NFIB: variants seen among roughly 807,000 people sequenced by gnomAD.
The protein encoded by NFIB is nuclear factor I B, also known as nuclear factor 1 B-type.
In NFIB, 11 loss-of-function variants were observed where a neutral mutation model predicts 61.5. That is an observed-to-expected ratio of 0.18 (90% CI 0.11 to 0.30). NFIB has a LOEUF of 0.30. NFIB is among the 10% of genes least tolerant of loss of function. NFIB has a pLI of 1.00. For synonymous variants in NFIB, 260 were observed against 216.5 expected (o/e 1.20, Z -1.76); for missense variants, 471 against 608.9 (o/e 0.77, Z 2.38).
At position 14,159,546 on chromosome 9, in the gene NFIB, G is replaced by A. The variant is rs565969056; in HGVS notation, c.617-3653C>T. On this transcript the variant is annotated intron_variant, in intron 3 of 10. Coordinates refer to ENST00000380953, the MANE Select transcript of NFIB (RefSeq NM_001190737.2). Reference sequence around the variant, plus strand: ...AGTGGGGTAGCCTGGGAGAAGCACCGGAAGCAGATGGCTGCCACCTTCATG... The same window carrying A: ...AGTGGGGTAGCCTGGGAGAAGCACCAGAAGCAGATGGCTGCCACCTTCATG... Among the ~76,000 whole-genome samples, 9 of 152,294 alleles carry A rather than the reference G, an allele frequency of 5.9e-5. No homozygotes were observed. In the East Asian group the frequency reaches 9.7e-4, roughly 16 times the overall value.
chr9:14,271,384 G>C (rs1045901173), intron 2 of NFIB, among the ~76,000 whole-genome samples: 7 of 152,010 alleles, frequency 4.6e-5, no homozygotes, highest in Non-Finnish European at 1.0e-4. Context: ...CTCCTTAGTT[G>C]AAAGAGTACT....
chr9:14,393,451 C>A (rs1008628783), intron 1 of NFIB, among the ~76,000 whole-genome samples: 6 of 152,148 alleles, frequency 3.9e-5, no homozygotes, highest in East Asian at 1.9e-4. Flanking sequence ...GCTTTGAGTA[C>A]TGGAAGCACA....
intron 10 of NFIB, chr9:14,093,599 T>C (rs2034302824): frequency 6.6e-6 from 1 of 152,088 alleles, no homozygotes; most frequent in South Asian, 2.1e-4. Flanking sequence ...CATTTCCTGA[T>C]CTCCCCAAGA....
At chr9:14,165,402 A>T (rs1354631757) in intron 3 of NFIB, among the ~76,000 whole-genome samples, 1 of 152,222 alleles carries the variant, frequency 6.6e-6, no homozygotes, top group Non-Finnish European at 1.5e-5. Context: ...CCTAAATAAA[A>T]TATGAAATTG....
Position 14,295,975 on chromosome 9 carries a change from T to C in NFIB, c.562+11014A>G, listed in dbSNP as rs187399792. Reference sequence around the variant, plus strand: ...TCTAAAACCATACAATCATTCTAATTTAAATGGGTTTTAAAACTACACACA... The same window carrying C: ...TCTAAAACCATACAATCATTCTAATCTAAATGGGTTTTAAAACTACACACA... On this transcript the variant is annotated intron_variant, in intron 2 of 10. Transcript: ENST00000380953. Among the ~76,000 whole-genome samples the C allele has an allele frequency of 9.2e-5, 14 of 152,310 alleles. No homozygotes were observed. In the East Asian group the frequency reaches 2.5e-3, roughly 27 times the overall value.
chr9:14,424,305 C>T, the NFIB span, among the ~76,000 whole-genome samples: 1 of 152,128 alleles, frequency 6.6e-6, no homozygotes, highest in African/African-American at 2.4e-5. Flanking sequence ...CAGCCTTTTC[C>T]ATTGCTGTAT....
At chr9:14,476,251 T>G in the NFIB span, among the ~76,000 whole-genome samples, 38 of 152,084 alleles carry the variant, frequency 2.5e-4, no homozygotes, top group African/African-American at 8.9e-4. Context: ...TTTTTGTTTT[T>G]TTTTTTTTTC....
the NFIB span, among the ~76,000 whole-genome samples, chr9:14,438,953 CTTACCATCACA>C: frequency 4.7e-4 from 71 of 152,288 alleles, 1 homozygote; most frequent in African/African-American, 1.7e-3. Flanking sequence ...CACATTTTCT[CTTACCATCACA>C]TTAAGATTCT....
At chr9:14,130,604 C>A (rs756430662) in intron 6 of NFIB, among the ~76,000 whole-genome samples, 3 of 151,744 alleles carry the variant, frequency 2.0e-5, no homozygotes, top group Non-Finnish European at 2.9e-5. Flanking sequence ...TAATGGCTTA[C>A]CTCCTAAGGA....
chr9:14,355,968 C>T (rs1399325989), intron 1 of NFIB, among the ~76,000 whole-genome samples: 1 of 131,364 alleles, frequency 7.6e-6, no homozygotes, highest in Non-Finnish European at 1.6e-5. Context: ...AACAAACAAA[C>T]AAATAAAAAA....
intron 1 of NFIB, among the ~76,000 whole-genome samples, chr9:14,387,721 T>C (rs1294699692): frequency 1.3e-5 from 2 of 152,222 alleles, no homozygotes; most frequent in African/African-American, 2.4e-5. Flanking sequence ...ATTGGTACAA[T>C]AATTCTTAGA....
At chr9:14,348,028 G>C (rs1477547199) in intron 1 of NFIB, among the ~76,000 whole-genome samples, 1 of 152,184 alleles carries the variant, frequency 6.6e-6, no homozygotes, top group Non-Finnish European at 1.5e-5. Flanking sequence ...CCCAGGACTA[G>C]GTTTTTGTGA....
chr9:14,462,108 G>C, the NFIB span, among the ~76,000 whole-genome samples: 1 of 152,138 alleles, frequency 6.6e-6, no homozygotes, highest in Non-Finnish European at 1.5e-5. Context: ...GGTATCCCTA[G>C]TTATCTTAAT....
chr9:14,275,847 T>A (rs919949152), intron 2 of NFIB, among the ~76,000 whole-genome samples: 1 of 152,110 alleles, frequency 6.6e-6, no homozygotes, highest in East Asian at 1.9e-4. Flanking sequence ...GTGAATTCAG[T>A]AACCATAATC....
At chr9:14,417,306 T>C in the NFIB span, among the ~76,000 whole-genome samples, 1 of 152,208 alleles carries the variant, frequency 6.6e-6, no homozygotes, top group Non-Finnish European at 1.5e-5. Context: ...TGGTAACATG[T>C]TGTACAGGTT....
chr9:14,444,609 G>C, the NFIB span, among the ~76,000 whole-genome samples: 4 of 147,446 alleles, frequency 2.7e-5, no homozygotes, highest in Non-Finnish European at 4.6e-5. Flanking sequence ...GAAATGTATC[G>C]GGGGAAAAGA....
chr9:14,125,560 T>C, intron 7 of NFIB, 72 bp downstream of exon 7: 1 of 1,570,052 alleles, frequency 6.4e-7, no homozygotes, highest in East Asian at 2.2e-5. Flanking sequence ...TATAAACTTT[T>C]GCTCCGTCCC....
At chr9:14,126,582 G>A (rs1018832806) in intron 6 of NFIB, among the ~76,000 whole-genome samples, 6 of 152,208 alleles carry the variant, frequency 3.9e-5, no homozygotes, top group Non-Finnish European at 7.3e-5. Flanking sequence ...AAAAAAAGAT[G>A]GCACAGAATA....
chr9:14,382,806 G>T (rs930029344), intron 1 of NFIB, among the ~76,000 whole-genome samples: 10 of 152,082 alleles, frequency 6.6e-5, no homozygotes, highest in African/African-American at 2.4e-4. Context: ...AACTGTAGCT[G>T]CACTACTAGA....
Sources: gnomAD v4.1 joint callset for allele counts (sites outside exome capture counted in the v4.1 genomes callset) on GRCh38, gnomAD v4.1.1 for gene constraint, MANE v1.5 for transcripts, NCBI Gene and HGNC (gene_info 2026-07-23, HGNC 2026-07-21) for gene names.